SPAG16: variants seen among roughly 807,000 people sequenced by gnomAD.
SPAG16 encodes the protein sperm associated antigen 16.
A neutral mutation model predicts 80.4 loss-of-function variants in SPAG16; 86 were observed. The ratio of observed to expected loss-of-function variants is 1.07; its 90% CI spans 0.90 to 1.28. The LOEUF (loss-of-function observed/expected upper bound fraction) is 1.28, where lower values mean the gene tolerates loss of function less well. Ranked by LOEUF, SPAG16 falls within the 50% of genes most tolerant of loss-of-function variation. The probability of loss-of-function intolerance (pLI) is 0.00; values close to 1 mark genes in which losing one functional copy is unlikely to be tolerated. For missense variants in SPAG16, 870 were observed against 765.3 expected (o/e 1.14, Z -1.61); for synonymous variants, 294 against 265.9 (o/e 1.11, Z -1.03).
chr2:213,295,118 T>A (rs56693992), intron 1 of SPAG16, among the ~76,000 whole-genome samples: 2,941 of 152,206 alleles, frequency 0.019, 100 homozygotes, highest in African/African-American at 0.067. Context: ...AGCAGCAAAA[T>A]GAAAACTAGG....
At chr2:214,347,964 G>A (rs180874855) in intron 15 of SPAG16, among the ~76,000 whole-genome samples, 1 of 152,222 alleles carries the variant, frequency 6.6e-6, no homozygotes, top group Non-Finnish European at 1.5e-5. Context: ...TTCTTAGAGG[G>A]GCAGTTCTGG....
At chr2:213,903,160 G>C (rs1427987144) in intron 11 of SPAG16, among the ~76,000 whole-genome samples, 1 of 152,142 alleles carries the variant, frequency 6.6e-6, no homozygotes, top group Non-Finnish European at 1.5e-5. Context: ...GATCTACCAT[G>C]CTGGGGTCTG....
chr2:214,023,408 A>T (rs62191926), intron 13 of SPAG16, among the ~76,000 whole-genome samples: 203 of 25,334 alleles, frequency 8.0e-3, no homozygotes, highest in African/African-American at 0.015. Context: ...GGCATTCATT[A>T]AAAAAAAAAG....
intron 9 of SPAG16, among the ~76,000 whole-genome samples, chr2:213,416,364 G>A (rs1210254692): frequency 6.6e-6 from 1 of 152,112 alleles, no homozygotes; most frequent in Non-Finnish European, 1.5e-5. Flanking sequence ...CTCGGGGTAG[G>A]GTCCCAGCAG....
intron 10 of SPAG16, among the ~76,000 whole-genome samples, chr2:213,830,835 A>T (rs1262222982): frequency 6.6e-6 from 1 of 152,050 alleles, no homozygotes; most frequent in African/African-American, 2.4e-5. Flanking sequence ...TATTTTGTTG[A>T]CTGACAAATA....
intron 10 of SPAG16, among the ~76,000 whole-genome samples, chr2:213,617,054 C>G (rs2061620666): frequency 6.6e-6 from 1 of 151,634 alleles, no homozygotes; most frequent in African/African-American, 2.4e-5. Flanking sequence ...GTAGGTGGGC[C>G]CCTGCAGATG....
intron 14 of SPAG16, among the ~76,000 whole-genome samples, chr2:214,126,781 C>A (rs973626957): frequency 6.6e-6 from 1 of 151,706 alleles, no homozygotes; most frequent in East Asian, 1.9e-4. Flanking sequence ...GATCAAACAG[C>A]AAAAGTACAT....
At chr2:213,597,685 G>T (rs1379386436) in intron 10 of SPAG16, among the ~76,000 whole-genome samples, 2 of 151,892 alleles carry the variant, frequency 1.3e-5, no homozygotes, top group Non-Finnish European at 2.9e-5. Flanking sequence ...CTTTACAAAT[G>T]CCGCTATTTC....
intron 15 of SPAG16, among the ~76,000 whole-genome samples, chr2:214,322,243 A>G (rs1696145451): frequency 6.6e-6 from 1 of 152,148 alleles, no homozygotes. Context: ...ATATACCAAC[A>G]TTTCCTCCCT....
chr2:213,621,075 C>A (rs2061766299), intron 10 of SPAG16, among the ~76,000 whole-genome samples: 1 of 151,972 alleles, frequency 6.6e-6, no homozygotes, highest in South Asian at 2.1e-4. Context: ...TTAGTACTTA[C>A]CTTTAATTTT....
At chr2:214,062,866 A>G (rs1228417493) in intron 13 of SPAG16, among the ~76,000 whole-genome samples, 2 of 152,140 alleles carry the variant, frequency 1.3e-5, no homozygotes, top group African/African-American at 4.8e-5. Flanking sequence ...TTCTTCTGAC[A>G]ACATCTCCTA....
intron 10 of SPAG16, among the ~76,000 whole-genome samples, chr2:213,844,238 G>C (rs961910494): frequency 9.2e-5 from 14 of 152,136 alleles, no homozygotes; most frequent in African/African-American, 3.4e-4. Flanking sequence ...AAAAGTTAGC[G>C]GGGAAGGAAT....
chr2:213,702,958 T>C (rs2065553095), intron 10 of SPAG16, among the ~76,000 whole-genome samples: 1 of 152,180 alleles, frequency 6.6e-6, no homozygotes, highest in Non-Finnish European at 1.5e-5. Flanking sequence ...CGCTCTACCC[T>C]TCTATGTGGG....
intron 9 of SPAG16, among the ~76,000 whole-genome samples, chr2:213,455,087 C>G (rs894717958): frequency 6.6e-6 from 1 of 152,042 alleles, no homozygotes; most frequent in Non-Finnish European, 1.5e-5. Flanking sequence ...TCAAAACTAC[C>G]TAGTTAGCAA....
chr2:213,535,106 T>G (rs1311336456), intron 10 of SPAG16, among the ~76,000 whole-genome samples: 1 of 152,072 alleles, frequency 6.6e-6, no homozygotes, highest in Non-Finnish European at 1.5e-5. Context: ...TATTACCTGG[T>G]CTATGGCAAA....
intron 10 of SPAG16, among the ~76,000 whole-genome samples, chr2:213,640,982 G>A (rs542055322): frequency 2.8e-4 from 42 of 152,214 alleles, no homozygotes; most frequent in African/African-American, 9.6e-4. Context: ...TCTGGTAATG[G>A]ATAGGGCTAT....
Position 214,410,154 on chromosome 2 carries a change from C to A in SPAG16, c.1735C>A (p.Gln579Lys). 6.2e-7 allele frequency: 1 copy of A among 1,613,888 alleles called. No individual in the cohort carries two copies. Among genetic ancestry groups the A allele is most frequent in the East Asian group, 2.2e-5 (1 of 44,876 alleles). ...GTCTCCCTCAGGTCGAGTTTTAGCTCAGGCAAGTGGCAATGGTGTTATCCA... is the reference window on the plus strand; with the variant it reads ...GTCTCCCTCAGGTCGAGTTTTAGCTAAGGCAAGTGGCAATGGTGTTATCCA... ...NFDSSGRVLA[Q>K]ASGNGVIHLL... Residue 579 changes from glutamine (Q) to lysine (K), a missense_variant, in exon 16 of 16, where the codon CAG becomes AAG. By Grantham distance (53) the Gln-to-Lys change is moderately conservative. Coordinates refer to ENST00000331683, the MANE Select transcript of SPAG16 (RefSeq NM_024532.5).
intron 12 of SPAG16, among the ~76,000 whole-genome samples, chr2:213,973,539 G>A (rs1006076970): frequency 3.3e-5 from 5 of 152,014 alleles, no homozygotes; most frequent in Admixed American, 2.6e-4. Flanking sequence ...TGAGAACACC[G>A]GTTAACATCT....
intron 11 of SPAG16, chr2:213,923,883 A>T (rs1203333214): frequency 1.3e-5 from 2 of 152,368 alleles, no homozygotes; most frequent in East Asian, 1.9e-4. Flanking sequence ...CTGGCTGTCC[A>T]TGGCAAAAGT....
Sources: gnomAD v4.1 joint callset for allele counts (sites outside exome capture counted in the v4.1 genomes callset) on GRCh38, gnomAD v4.1.1 for gene constraint, MANE v1.5 for transcripts, NCBI Gene and HGNC (gene_info 2026-07-23, HGNC 2026-07-21) for gene names.